ANKRD62: variants seen among roughly 807,000 people sequenced by gnomAD.
The protein encoded by ANKRD62 is ankyrin repeat domain-containing protein 62.
A neutral mutation model predicts 98.8 loss-of-function variants in ANKRD62; 61 were observed. The observed-to-expected ratio is 0.62, with a 90% CI of 0.50 to 0.76. ANKRD62 has a LOEUF of 0.76. Ranked by LOEUF, ANKRD62 falls within the 30% of genes least tolerant of loss-of-function variation. The probability of loss-of-function intolerance (pLI) is 0.00; values close to 1 mark genes in which losing one functional copy is unlikely to be tolerated. For synonymous variants in ANKRD62, 341 were observed against 367.9 expected, an observed-to-expected ratio of 0.93 and a Z score of 0.84; for missense variants, 933 against 1,082.9, an observed-to-expected ratio of 0.86 and a Z score of 1.94.
chr18:12,125,889 C>A lies in ANKRD62; in HGVS notation c.2068C>A (p.His690Asn). Residue 690 changes from histidine to asparagine, a missense_variant, in exon 13 of 14, where the codon CAT becomes AAT. Physicochemically the swap from His to Asn is moderately conservative, Grantham distance 68 (BLOSUM62 1). Transcript: ENST00000587848. ...AFQSTVNEWCHLQEDTNSHIQ... is the reference protein window; with the variant it reads ...AFQSTVNEWCNLQEDTNSHIQ... ...CCAGAGCACAGTGAATGAATGGTGT[C>A]ATTTACAAGAAGACACTAATTCTCA... is the stretch of plus-strand genomic sequence containing the variant. 1 of 1,542,980 alleles carries A rather than the reference C, an allele frequency of 6.5e-7. No individual in the cohort carries two copies. The highest frequency in any genetic ancestry group is 8.7e-7 in the Non-Finnish European group (1 of 1,147,058).
the ANKRD62 span, among the ~76,000 whole-genome samples, chr18:12,179,703 A>G: frequency 6.7e-6 from 1 of 149,094 alleles, no homozygotes; most frequent in Non-Finnish European, 1.5e-5. Context: ...AACCTTTTCA[A>G]GCAGAAAGCA....
chr18:12,166,420 C>T, the ANKRD62 span, among the ~76,000 whole-genome samples: 1 of 152,050 alleles, frequency 6.6e-6, no homozygotes, highest in South Asian at 2.1e-4. Flanking sequence ...TATTAAGAGA[C>T]TCTTATACAT....
chr18:12,176,641 G>A, the ANKRD62 span, among the ~76,000 whole-genome samples: 16 of 116,426 alleles, frequency 1.4e-4, 4 homozygotes, highest in South Asian at 3.0e-4. Context: ...CTTGCCTACT[G>A]CAACTTATTC....
At chr18:12,112,464 G>T (rs1186839378) in intron 8 of ANKRD62, among the ~76,000 whole-genome samples, 1 of 152,036 alleles carries the variant, frequency 6.6e-6, no homozygotes, top group Non-Finnish European at 1.5e-5. Flanking sequence ...AAGCAACAAG[G>T]ACAGGACCGT....
At chr18:12,124,539 T>C (rs1426073228) in intron 12 of ANKRD62, among the ~76,000 whole-genome samples, 1 of 152,170 alleles carries the variant, frequency 6.6e-6, no homozygotes, top group Non-Finnish European at 1.5e-5. Context: ...TCCCATAATA[T>C]ATATACTTAG....
chr18:12,103,092 G>C (rs922053510), intron 6 of ANKRD62, 66 bp from the exon 7 acceptor site: 3 of 1,101,368 alleles, frequency 2.7e-6, no homozygotes, highest in South Asian at 3.1e-5. Flanking sequence ...TTTTTATAAA[G>C]ACTAAAGTTT....
At chr18:12,137,553 C>T in the ANKRD62 span, among the ~76,000 whole-genome samples, 2 of 152,182 alleles carry the variant, frequency 1.3e-5, no homozygotes, top group East Asian at 3.8e-4. Flanking sequence ...CAGGATGATG[C>T]TGGCCTCATA....
intron 1 of ANKRD62, among the ~76,000 whole-genome samples, 197 bp from the exon 2 acceptor site, chr18:12,094,974 A>G (rs532602819): frequency 6.6e-6 from 1 of 151,288 alleles, no homozygotes; most frequent in African/African-American, 2.4e-5. Flanking sequence ...GTTGTCACCA[A>G]GGGCACTGGG....
chr18:12,180,742 GA>G, the ANKRD62 span, among the ~76,000 whole-genome samples: 1 of 152,096 alleles, frequency 6.6e-6, no homozygotes, highest in African/African-American at 2.4e-5. Context: ...AATCTGAGCA[GA>G]AAAATATGAC....
chr18:12,124,717 T>TC (rs1555652751), intron 12 of ANKRD62, among the ~76,000 whole-genome samples: 1 of 151,140 alleles, frequency 6.6e-6, no homozygotes, highest in Non-Finnish European at 1.5e-5. Flanking sequence ...TTATCTTCTT[T>TC]GAGTTTTGAA....
the ANKRD62 span, among the ~76,000 whole-genome samples, chr18:12,160,882 A>G: frequency 1.3e-5 from 2 of 152,164 alleles, no homozygotes; most frequent in Non-Finnish European, 2.9e-5. Flanking sequence ...CCTCAGTGCC[A>G]TAGGAAGATG....
chr18:12,095,049 A>C, intron 1 of ANKRD62, 122 bp from the exon 2 acceptor site: 1 of 773,786 alleles, frequency 1.3e-6, no homozygotes. Context: ...TCACAAGAAA[A>C]GTAACTATTT....
chr18:12,121,261 G>A (rs549026838), intron 10 of ANKRD62, among the ~76,000 whole-genome samples: 13 of 152,176 alleles, frequency 8.5e-5, no homozygotes, highest in Admixed American at 2.6e-4. Flanking sequence ...AATTCTTTTT[G>A]TTCTTGCTTT....
At chr18:12,150,429 A>G in the ANKRD62 span, among the ~76,000 whole-genome samples, 12 of 152,180 alleles carry the variant, frequency 7.9e-5, no homozygotes, top group African/African-American at 2.6e-4. Flanking sequence ...AGAGAATCAA[A>G]CAAATTCAGG....
At position 12,109,708 on chromosome 18, in the gene ANKRD62, C is replaced by T. The variant is rs558819174; in HGVS notation, c.1064+2241C>T. ...TATTTACAATATTGCTAAACGTTAT[C>T]GAAGTATATCAAAGGACCTTTGATC... On this transcript the variant is annotated intron_variant, in intron 8 of 13. Coordinates refer to ENST00000587848, the MANE Select transcript of ANKRD62 (RefSeq NM_001277333.2). Among the ~76,000 whole-genome samples the T allele has an allele frequency of 6.6e-5, 10 of 152,100 alleles. No homozygotes were observed. The East Asian group carries it at 1.5e-3, about 23-fold the overall frequency.
Position 12,128,166 on chromosome 18 carries a change from C to G in ANKRD62, c.*227C>G, listed in dbSNP as rs1409594421. 4.0e-6 allele frequency: 1 copy of G among 247,016 alleles called. No individual in the cohort carries two copies. The highest frequency in any genetic ancestry group is 7.5e-6 in the Non-Finnish European group (1 of 133,534). 15.3% of individuals were successfully genotyped at this position (247,016 alleles called of 1,614,324 possible). ...ACAGAAGATTAGAGAATTCTTTTTTCTTTTTACAGTATATTTTTAGTGATT... is the reference window on the plus strand; with the variant it reads ...ACAGAAGATTAGAGAATTCTTTTTTGTTTTTACAGTATATTTTTAGTGATT... On this transcript the variant is annotated 3_prime_UTR_variant, in exon 14 of 14. Transcript: ENST00000587848.
At chr18:12,111,574 A>G (rs1250036787) in intron 8 of ANKRD62, among the ~76,000 whole-genome samples, 1 of 152,158 alleles carries the variant, frequency 6.6e-6, no homozygotes, top group East Asian at 1.9e-4. Context: ...CCATCAAGAG[A>G]AAGAAATAAT....
intron 11 of ANKRD62, among the ~76,000 whole-genome samples, chr18:12,123,656 A>G (rs1404988029): frequency 1.3e-5 from 2 of 152,238 alleles, no homozygotes; most frequent in Admixed American, 6.5e-5. Context: ...TGTCATCTGG[A>G]GATACATGTT....
intron 8 of ANKRD62, among the ~76,000 whole-genome samples, chr18:12,108,839 C>T (rs1909472861): frequency 6.6e-6 from 1 of 152,224 alleles, no homozygotes. Context: ...AAGTCTGAAA[C>T]TCTACTTGGC....
Sources: gnomAD v4.1 joint callset for allele counts (sites outside exome capture counted in the v4.1 genomes callset) on GRCh38, gnomAD v4.1.1 for gene constraint, MANE v1.5 for transcripts, NCBI Gene and HGNC (gene_info 2026-07-23, HGNC 2026-07-21) for gene names.